The following KRR1 variants were observed in gnomAD, a reference collection of about 807,000 sequenced individuals.
KRR1 encodes KRR1 small subunit processome component.
In KRR1, 23 loss-of-function variants were observed where a neutral mutation model predicts 50.0. The observed-to-expected ratio is 0.46, with a 90% confidence interval of 0.33 to 0.65. The LOEUF is 0.65. Among genes scored for constraint, KRR1 ranks in the 30% least tolerant of loss-of-function variants. The pLI is 0.02. For missense variants in KRR1, 419 were observed against 442.4 expected (o/e 0.95, Z 0.47); for synonymous variants, 133 against 146.3 (o/e 0.91, Z 0.66).
At chr12:75,511,067 A>G (rs2046446060) in intron 1 of KRR1, among the ~76,000 whole-genome samples, 1 of 152,210 alleles carries the variant, frequency 6.6e-6, no homozygotes, top group Admixed American at 6.5e-5. Context: ...GTCTTTACTG[A>G]CAAACTAGAG....
intron 6 of KRR1, among the ~76,000 whole-genome samples, chr12:75,504,873 A>G (rs980600844): frequency 1.1e-4 from 17 of 152,046 alleles, no homozygotes; most frequent in African/African-American, 4.1e-4. Flanking sequence ...CCTTAAATAC[A>G]TGGGTTCATA....
rs1199146984 is a variant in KRR1 at position 75,504,000 on chromosome 12, C to T, written c.735G>A (p.Gln245=). ...RSQSWERFLP[Q]FKHKNVNKRK... ...GTTTATTCACATTTTTGTGTTTGAA[C>T]TGTGGCAAAAATCTCTCCCAACTTT... The change falls in exon 7 of 10, where the codon CAG becomes CAA. Residue 245 remains glutamine (Q), a synonymous_variant. Coordinates refer to ENST00000229214, the MANE Select transcript of KRR1 (RefSeq NM_007043.7). The T allele has an allele frequency of 1.9e-6, 3 of 1,612,486 alleles. No individual in the cohort carries two copies. The highest frequency in any genetic ancestry group is 2.5e-6 in the Non-Finnish European group (3 of 1,178,980).
rs1566102002 is a variant in KRR1, at chr12:75,499,429, C to T, written c.*380G>A. ...AACTAGGGGATCTGATTTTAGAGGC[C>T]TTAATTTTCTGTTCATGGACTGTTA... On this transcript the variant is annotated 3_prime_UTR_variant, in exon 10 of 10. Coordinates refer to ENST00000229214, the MANE Select transcript of KRR1 (RefSeq NM_007043.7). The T allele has an allele frequency of 6.2e-6, 1 of 160,258 alleles. No individual in the cohort carries two copies. The highest frequency in any genetic ancestry group is 1.3e-5 in the Non-Finnish European group (1 of 74,156). The allele number at this position is 160,258 out of a possible 1,614,324, so 9.9% of individuals were successfully genotyped here. A position where few individuals can be genotyped will look rare whatever the true frequency, so the allele number is the denominator to read the frequency against.
rs35207358 is a variant in KRR1 at position 75,499,698 on chromosome 12, CAAA to C, written c.*108_*110del. On this transcript the variant is annotated 3_prime_UTR_variant, in exon 10 of 10. Coordinates refer to ENST00000229214, the MANE Select transcript of KRR1 (RefSeq NM_007043.7). ...CTCTTCTATGAACAACCACCACCAC[CAAA>C]AAAAAAAAAAGCCCTCAGAAAATTT... The C allele has an allele frequency of 5.0e-4, 281 of 562,774 alleles. No homozygotes were observed. The highest frequency in any genetic ancestry group is 9.0e-4 in the South Asian group (28 of 31,068). The allele number at this position is 562,774 out of a possible 1,614,324, so 34.9% of individuals were successfully genotyped here. A position where few individuals can be genotyped will look rare whatever the true frequency, so the allele number is the denominator to read the frequency against.
Position 75,491,793 on chromosome 12 carries a change from A to G in KRR1, c.*8016T>C, listed in dbSNP as rs1375066606. Reference sequence around the variant, plus strand: ...TTTTCTACTAGATTTTCTTATTTATAAAAGTTTTTATATTTTAAAGGTTTT... The same window carrying G: ...TTTTCTACTAGATTTTCTTATTTATGAAAGTTTTTATATTTTAAAGGTTTT... On this transcript the variant is annotated 3_prime_UTR_variant, in exon 10 of 10. Coordinates refer to ENST00000229214, the MANE Select transcript of KRR1 (RefSeq NM_007043.7). The G allele has an allele frequency of 1.3e-5, 2 of 152,124 alleles. No homozygotes were observed. The highest frequency in any genetic ancestry group is 2.4e-5 in the African/African-American group (1 of 41,440). The allele number at this position is 152,124 out of a possible 1,614,324, so 9.4% of individuals were successfully genotyped here.
rs777493094 is a variant in KRR1, at chr12:75,498,699, C to T, written c.*1110G>A. 64 of 1,611,494 alleles carry T rather than the reference C, an allele frequency of 4.0e-5. No homozygotes were observed. The Admixed American group carries it at 5.5e-4, about 14-fold the overall frequency. On this transcript the variant is annotated 3_prime_UTR_variant, in exon 10 of 10. Coordinates refer to ENST00000229214, the MANE Select transcript of KRR1 (RefSeq NM_007043.7). Reference sequence around the variant, plus strand: ...TCTTCCCCCTAACTTTACAGTTAACCGACAGCGAGACCAAGTCAAACGTAC... The same window carrying T: ...TCTTCCCCCTAACTTTACAGTTAACTGACAGCGAGACCAAGTCAAACGTAC...
In KRR1 at chr12:75,495,947, G is replaced by T; in HGVS notation, c.*3862C>A. The stretch of plus-strand genomic sequence containing the variant: ...TCCTAAGATTTGCTTATTTCAGCAA[G>T]ATCAAAAATAAGTATAACAGGTCAT... On this transcript the variant is annotated 3_prime_UTR_variant, in exon 10 of 10. Transcript: ENST00000229214. 1 of 210,744 alleles carries T rather than the reference G, an allele frequency of 4.7e-6. No individual in the cohort carries two copies. Among genetic ancestry groups the T allele is most frequent in the Non-Finnish European group, 9.4e-6 (1 of 106,694 alleles). 13.1% of individuals were successfully genotyped at this position (210,744 alleles called of 1,614,324 possible).
rs2046327977 is a variant in KRR1 at position 75,492,257 on chromosome 12, T to G, written c.*7552A>C. ...GCACATGCCACCATGCCCAGTTAAT[T>G]TTTTTGTAGAGACAGAGTTTTGCCA... On this transcript the variant is annotated 3_prime_UTR_variant, in exon 10 of 10. Coordinates refer to ENST00000229214, the MANE Select transcript of KRR1 (RefSeq NM_007043.7). 1 of 152,180 alleles carries G rather than the reference T, an allele frequency of 6.6e-6. No individual in the cohort carries two copies. The highest frequency in any genetic ancestry group is 2.4e-5 in the African/African-American group (1 of 41,396). 9.4% of individuals were successfully genotyped at this position (152,180 alleles called of 1,614,324 possible).
At chr12:75,501,144 T>C (rs1317538229) in intron 9 of KRR1, 1 of 152,236 alleles carries the variant, frequency 6.6e-6, no homozygotes, top group Non-Finnish European at 1.5e-5. Context: ...CAGAAGAGGA[T>C]GCATCAGAAG....
In KRR1 at chr12:75,491,985, T is replaced by A. The variant is rs10785192; in HGVS notation, c.*7824A>T. 136,800 of 152,158 alleles carry A rather than the reference T, an allele frequency of 0.9. 61,665 individuals carry two copies. Among genetic ancestry groups the A allele is most frequent in the East Asian group, 1 (5,159 of 5,174 alleles). 9.4% of individuals were successfully genotyped at this position (152,158 alleles called of 1,614,324 possible). A position where few individuals can be genotyped will look rare whatever the true frequency, so the allele number is the denominator to read the frequency against. On this transcript the variant is annotated 3_prime_UTR_variant, in exon 10 of 10. Coordinates refer to ENST00000229214, the MANE Select transcript of KRR1 (RefSeq NM_007043.7). ...TGAAGGAGGAGACAAAGCGTCATTC[T>A]GAAGATGACAGCTTTGACTTAATAT...
At chr12:75,504,165 T>C in intron 6 of KRR1, 91 bp from the exon 7 acceptor site, 1 of 855,764 alleles carries the variant, frequency 1.2e-6, no homozygotes, top group South Asian at 2.6e-5. Context: ...CTATAAATAA[T>C]AAAAGAAACA....
intron 7 of KRR1, chr12:75,503,112 G>C (rs2046405693): frequency 1.3e-5 from 2 of 152,094 alleles, no homozygotes; most frequent in South Asian, 4.1e-4. Context: ...GGTGAAGATG[G>C]AATTCAAAGA....
intron 2 of KRR1, 25 bp from the exon 3 acceptor site, chr12:75,506,941 C>A (rs973050682): frequency 3.8e-6 from 6 of 1,562,324 alleles, no homozygotes; most frequent in Non-Finnish European, 5.2e-6. Flanking sequence ...AGCAAACAAG[C>A]AGTTGTCTAA....
Position 75,499,890 on chromosome 12 carries a change from A to G in KRR1, c.1065T>C (p.Asn355=), listed in dbSNP as rs1566102428. The G allele has an allele frequency of 6.2e-7, 1 of 1,609,640 alleles. No homozygotes were observed. The highest frequency in any genetic ancestry group is 2.2e-5 in the East Asian group (1 of 44,632). The part of the protein sequence containing the change: ...SIKEKVKKAK[N]KKLGALTAEE... ...CAGCTGTAAGAGCTCCCAGTTTCTT[A>G]TTCTTTGCTTTCTTAACCTTTTCCT... The change falls in exon 10 of 10, where the codon AAT becomes AAC. Residue 355 remains asparagine, a synonymous_variant. Coordinates refer to ENST00000229214, the MANE Select transcript of KRR1 (RefSeq NM_007043.7).
chr12:75,504,076 T>A lies in KRR1; in HGVS notation c.661-2A>T, dbSNP rs1566104750. The A allele has an allele frequency of 6.3e-7, 1 of 1,595,072 alleles. No individual in the cohort carries two copies. Among genetic ancestry groups the A allele is most frequent in the East Asian group, 2.2e-5 (1 of 44,700 alleles). Reference sequence around the variant, plus strand: ...CAACTCTCTCTTAATCATTAAGCTCTTTAGTCATGCAACAAAGTAAAAATT... The same window carrying A: ...CAACTCTCTCTTAATCATTAAGCTCATTAGTCATGCAACAAAGTAAAAATT... On this transcript the variant is annotated splice_acceptor_variant, in intron 6 of 9. Transcript: ENST00000229214. LOFTEE classifies it high-confidence loss of function.
intron 1 of KRR1, among the ~76,000 whole-genome samples, chr12:75,510,382 G>A (rs1414965874): frequency 6.6e-6 from 1 of 152,046 alleles, no homozygotes; most frequent in Admixed American, 6.5e-5. Context: ...CAATCCAAAT[G>A]TCCACCGATA....
Position 75,496,227 on chromosome 12 carries a change from C to T in KRR1, c.*3582G>A, listed in dbSNP as rs61933362. The T allele has an allele frequency of 0.24, 36,971 of 151,632 alleles. 4,733 individuals are homozygous for T. Among genetic ancestry groups the T allele is most frequent in the South Asian group, 0.32 (1,546 of 4,800 alleles). The allele number at this position is 151,632 out of a possible 1,614,324, so 9.4% of individuals were successfully genotyped here. On this transcript the variant is annotated 3_prime_UTR_variant, in exon 10 of 10. Coordinates refer to ENST00000229214, the MANE Select transcript of KRR1 (RefSeq NM_007043.7). ...AAAACTAGCTGGGTGTGGTGGTGGA[C>T]GCCCGTAACCCCAGCTACTCAGGAG...
In KRR1 at chr12:75,492,848, T is replaced by TG. The variant is rs1203523698; in HGVS notation, c.*6960dup. On this transcript the variant is annotated 3_prime_UTR_variant, in exon 10 of 10. Transcript: ENST00000229214. ...TACAAGTAAAATAACTGCATCATTA[T>TG]GGGGCAATTAAGGAACTATAAATAA... The TG allele has an allele frequency of 1.3e-5, 2 of 152,178 alleles. No individual in the cohort carries two copies. The highest frequency in any genetic ancestry group is 2.4e-5 in the African/African-American group (1 of 41,430). The allele number at this position is 152,178 out of a possible 1,614,324, so 9.4% of individuals were successfully genotyped here. A position where few individuals can be genotyped will look rare whatever the true frequency, so the allele number is the denominator to read the frequency against.
rs2046340446 is a variant in KRR1 at position 75,494,708 on chromosome 12, A to G, written c.*5101T>C. ...GAACTTTTTCCAAAAGCAGAGTTCCAAAAAAAATTAGTGCAATGGCAGGTT... is the reference window on the plus strand; with the variant it reads ...GAACTTTTTCCAAAAGCAGAGTTCCGAAAAAAATTAGTGCAATGGCAGGTT... On this transcript the variant is annotated 3_prime_UTR_variant, in exon 10 of 10. Transcript: ENST00000229214. 1 of 152,060 alleles carries G rather than the reference A, an allele frequency of 6.6e-6. No homozygotes were observed. Among genetic ancestry groups the G allele is most frequent in the Admixed American group, 6.6e-5 (1 of 15,260 alleles). 9.4% of individuals were successfully genotyped at this position (152,060 alleles called of 1,614,324 possible).
Sources: allele counts gnomAD v4.1 joint callset (sites outside exome capture counted in the v4.1 genomes callset), GRCh38; gene constraint gnomAD v4.1.1; transcripts MANE v1.5; gene names NCBI Gene and HGNC (gene_info 2026-07-23, HGNC 2026-07-21).